Variants in TMPRSS9 observed in about 807,000 individuals in gnomAD.
TMPRSS9 encodes transmembrane serine protease 9.
TMPRSS9 carries 113 observed loss-of-function variants against 111.4 expected under a neutral mutation model. The ratio of observed to expected loss-of-function variants is 1.01; its 90% CI spans 0.87 to 1.19. The LOEUF (loss-of-function observed/expected upper bound fraction) is 1.19. Ranked by LOEUF, TMPRSS9 falls within the 50% of genes most tolerant of loss-of-function variation. The pLI, the probability that TMPRSS9 is intolerant of heterozygous loss-of-function variation, is 0.00. For missense variants in TMPRSS9, 1,803 were observed against 1,513.1 expected, an observed-to-expected ratio of 1.19 and a Z score of -3.18; for synonymous variants, 805 against 659.1, an observed-to-expected ratio of 1.22 and a Z score of -3.39.
At position 2,399,105 on chromosome 19, in the gene TMPRSS9, G is replaced by A. The variant is rs772079657; in HGVS notation, c.426G>A (p.Glu142=). The stretch of plus-strand genomic sequence containing the variant: ...CGCTGAGCCTGGGCCTGGAGGAGGA[G>A]CTATTGCAGCGAGGGATCCGGGCAA... The change falls in exon 4 of 18, where the codon GAG becomes GAA. Residue 142 remains glutamate, a synonymous_variant. Transcript: ENST00000648592. The A allele has an allele frequency of 3.1e-6, 5 of 1,613,544 alleles. No individual in the cohort carries two copies. The South Asian group carries it at 3.3e-5, about 11-fold the overall frequency.
intron 1 of TMPRSS9, among the ~76,000 whole-genome samples, chr19:2,377,185 GACGGCTC>G: frequency 6.6e-6 from 1 of 150,730 alleles, no homozygotes; most frequent in African/African-American, 2.4e-5. Flanking sequence ...CACCGGCTGT[GACGGCTC>G]ACATTTCAGT....
chr19:2,408,175 T>A (rs1971011129), intron 7 of TMPRSS9, among the ~76,000 whole-genome samples, 181 bp from the exon 9 acceptor site: 1 of 152,036 alleles, frequency 6.6e-6, no homozygotes, highest in African/African-American at 2.4e-5. Flanking sequence ...CGCTTCAGCC[T>A]CCAAAAGTGT....
At chr19:2,392,127 T>C (rs1438772580) in intron 1 of TMPRSS9, among the ~76,000 whole-genome samples, 1 of 152,044 alleles carries the variant, frequency 6.6e-6, no homozygotes, top group East Asian at 1.9e-4. Context: ...GGCAGGAGGA[T>C]TGCTTGAGCT....
At chr19:2,390,807 C>G (rs1013416566) in intron 1 of TMPRSS9, among the ~76,000 whole-genome samples, 1 of 151,146 alleles carries the variant, frequency 6.6e-6, no homozygotes, top group South Asian at 2.1e-4. Context: ...GAGCTGAGAT[C>G]GCACCACTGC....
chr19:2,414,941 ATT>A (rs909082554), intron 10 of TMPRSS9, among the ~76,000 whole-genome samples: 11,716 of 126,846 alleles, frequency 0.092, 651 homozygotes, highest in East Asian at 0.25. Context: ...TTGCATTCCT[ATT>A]TTTTTTTTTT....
intron 1 of TMPRSS9, among the ~76,000 whole-genome samples, chr19:2,379,587 C>T (rs573589139): frequency 6.6e-6 from 1 of 151,126 alleles, no homozygotes; most frequent in East Asian, 2.0e-4. Context: ...CACACTAGGC[C>T]CTGACATTCC....
intron 14 of TMPRSS9, among the ~76,000 whole-genome samples, 157 bp downstream of exon 15, chr19:2,422,404 C>T (rs1971487792): frequency 6.6e-6 from 1 of 151,922 alleles, no homozygotes; most frequent in South Asian, 2.1e-4. Context: ...ACGGTGAAAC[C>T]TTGTCTCTAC....
At chr19:2,401,928 T>G (rs1285840124) in intron 4 of TMPRSS9, 47 bp from the exon 6 acceptor site, 1 of 1,580,842 alleles carries the variant, frequency 6.3e-7, no homozygotes, top group Non-Finnish European at 8.6e-7. Flanking sequence ...GTTCAAAGGG[T>G]TTTACCGCTT....
chr19:2,374,078 G>A lies in TMPRSS9; in HGVS notation c.-26+13718G>A, dbSNP rs78637717. On this transcript the variant is annotated intron_variant, in intron 1 of 17. Transcript: ENST00000649857. ...TCTGTACATTGGGCAAATCTGGGCA[G>A]TGCTTTATAACATTTTCCCGAGCTA... Among the ~76,000 whole-genome samples the A allele has an allele frequency of 2.8e-3, 422 of 152,100 alleles. 2 individuals are homozygous for A. The highest frequency in any genetic ancestry group is 9.8e-3 in the African/African-American group (407 of 41,490).
intron 1 of TMPRSS9, among the ~76,000 whole-genome samples, chr19:2,380,559 C>T (rs1970378143): frequency 6.7e-6 from 1 of 149,412 alleles, no homozygotes; most frequent in Non-Finnish European, 1.5e-5. Flanking sequence ...CAAAGTTGTG[C>T]CACTGCACTC....
intron 1 of TMPRSS9, among the ~76,000 whole-genome samples, chr19:2,394,520 G>A (rs955588291): frequency 6.6e-6 from 1 of 152,208 alleles, no homozygotes; most frequent in African/African-American, 2.4e-5. Flanking sequence ...TGAATCTGCA[G>A]TTGTTTAGAG....
At chr19:2,388,512 C>T (rs75567412), upstream of TMPRSS9, among the ~76,000 whole-genome samples, 15,334 of 152,260 alleles carry the variant, frequency 0.1, 2,455 homozygotes, top group African/African-American at 0.34. Context: ...AACGTATTCT[C>T]CCCTGGAGCC....
chr19:2,418,293 T>TG (rs1329352014), intron 13 of TMPRSS9, among the ~76,000 whole-genome samples, 155 bp downstream of exon 14: 881 of 84,690 alleles, frequency 0.01, 44 homozygotes, highest in Non-Finnish European at 0.012. Context: ...CTTTCCTCCT[T>TG]TCCTTCCCTC....
At chr19:2,408,131 C>A (rs1971009741) in intron 7 of TMPRSS9, among the ~76,000 whole-genome samples, 1 of 151,030 alleles carries the variant, frequency 6.6e-6, no homozygotes, top group East Asian at 1.9e-4. Flanking sequence ...GTTGCCCAGG[C>A]TCGTCTTGAA....
At chr19:2,386,552 C>G (rs1046561252), upstream of TMPRSS9, among the ~76,000 whole-genome samples, 1 of 151,848 alleles carries the variant, frequency 6.6e-6, no homozygotes, top group Non-Finnish European at 1.5e-5. Context: ...AGGCGTGAGC[C>G]ACTGCACCCA....
At chr19:2,403,580 G>C (rs560964988) in intron 6 of TMPRSS9, among the ~76,000 whole-genome samples, 3 of 152,016 alleles carry the variant, frequency 2.0e-5, no homozygotes, top group Admixed American at 1.3e-4. Context: ...AGATTAGCAG[G>C]GTGCGGTGGC....
intron 9 of TMPRSS9, among the ~76,000 whole-genome samples, chr19:2,412,761 G>C (rs1223823936): frequency 5.9e-5 from 9 of 152,218 alleles, no homozygotes; most frequent in African/African-American, 2.2e-4. Context: ...TGTCTTTCTT[G>C]TGCATACCTT....
intron 9 of TMPRSS9, among the ~76,000 whole-genome samples, chr19:2,411,575 T>TTTAA (rs76676868): frequency 0.092 from 13,844 of 151,300 alleles, 911 homozygotes; most frequent in East Asian, 0.25. Flanking sequence ...TTTTTGTATT[T>TTTAA]TTAATTAAGA....
intron 7 of TMPRSS9, among the ~76,000 whole-genome samples, chr19:2,406,598 GT>G (rs1232921851): frequency 6.6e-6 from 1 of 151,368 alleles, no homozygotes; most frequent in African/African-American, 2.4e-5. Flanking sequence ...GCCTCCCAAA[GT>G]GCTGGGATTA....
Sources: allele counts gnomAD v4.1 joint callset (sites outside exome capture counted in the v4.1 genomes callset), GRCh38; gene constraint gnomAD v4.1.1; transcripts MANE v1.5; gene names NCBI Gene and HGNC (gene_info 2026-07-23, HGNC 2026-07-21).